The following PLXDC2 variants were observed in gnomAD, a reference collection of about 807,000 sequenced individuals.
The protein encoded by PLXDC2 is plexin domain-containing protein 2.
PLXDC2 carries 40 observed loss-of-function variants against 68.9 expected under a neutral mutation model. The observed-to-expected ratio is 0.58, with a 90% CI of 0.45 to 0.76. The LOEUF (loss-of-function observed/expected upper bound fraction) is 0.76, where lower values mean the gene tolerates loss of function less well. Ranked by LOEUF, PLXDC2 falls within the 30% of genes least tolerant of loss-of-function variation. The probability of loss-of-function intolerance (pLI) is 0.00; values close to 1 mark genes in which losing one functional copy is unlikely to be tolerated. For synonymous variants in PLXDC2, 243 were observed against 234.2 expected (o/e 1.04, Z -0.34); for missense variants, 644 against 661.9 (o/e 0.97, Z 0.30).
In PLXDC2 at chr10:19,853,661, G is replaced by T. The variant is rs1044164278; in HGVS notation, c.112+36470G>T. 2.2e-4 allele frequency among the ~76,000 whole-genome samples: 29 copies of T among 133,842 alleles called. No individual in the cohort carries two copies. The East Asian group carries it at 2.6e-3, about 12-fold the overall frequency. 87.8% of individuals were successfully genotyped at this position (133,842 alleles called of 152,430 possible). A position where few individuals can be genotyped will look rare whatever the true frequency, so the allele number is the denominator to read the frequency against. On this transcript the variant is annotated intron_variant, in intron 1 of 13. Transcript: ENST00000377252. Reference sequence around the variant, plus strand: ...CCAATGCTGCTTTGGGTGGGGGGGGGGTTGCAATTTCTCGAAAACTAGAGT... The same window carrying T: ...CCAATGCTGCTTTGGGTGGGGGGGGTGTTGCAATTTCTCGAAAACTAGAGT...
chr10:20,182,414 C>T (rs988633030), intron 9 of PLXDC2, among the ~76,000 whole-genome samples: 1 of 151,946 alleles, frequency 6.6e-6, no homozygotes, highest in African/African-American at 2.4e-5. Flanking sequence ...TTAATCCATA[C>T]TATACTAGTT....
At chr10:20,237,098 A>C (rs767841050) in intron 12 of PLXDC2, among the ~76,000 whole-genome samples, 2 of 152,038 alleles carry the variant, frequency 1.3e-5, no homozygotes, top group Non-Finnish European at 2.9e-5. Flanking sequence ...CGATAGTAGG[A>C]CAGACTGTAA....
In PLXDC2 at chr10:20,265,239, C is replaced by G. The variant is rs550404513; in HGVS notation, c.1474-14464C>G. On this transcript the variant is annotated intron_variant, in intron 13 of 13. Coordinates refer to ENST00000377252, the MANE Select transcript of PLXDC2 (RefSeq NM_032812.9). Reference sequence around the variant, plus strand: ...TTTCCATGAGTTCTTCCTGAAAACTCTTTCCGAGATGAGCTTCAGATAAAC... The same window carrying G: ...TTTCCATGAGTTCTTCCTGAAAACTGTTTCCGAGATGAGCTTCAGATAAAC... Among the ~76,000 whole-genome samples, 7 of 152,294 alleles carry G rather than the reference C, an allele frequency of 4.6e-5. No homozygotes were observed. In the East Asian group the frequency reaches 5.8e-4, roughly 13 times the overall value.
intron 1 of PLXDC2, among the ~76,000 whole-genome samples, chr10:19,941,019 A>T (rs1209677365): frequency 6.6e-6 from 1 of 152,248 alleles, no homozygotes; most frequent in Non-Finnish European, 1.5e-5. Context: ...AAACTAATAA[A>T]AGCAGAATTC....
At chr10:19,820,453 G>A (rs1351675002) in intron 1 of PLXDC2, among the ~76,000 whole-genome samples, 2 of 151,006 alleles carry the variant, frequency 1.3e-5, no homozygotes, top group African/African-American at 4.9e-5. Context: ...AACAAGGTGA[G>A]ACCCCGTCTC....
intron 4 of PLXDC2, among the ~76,000 whole-genome samples, chr10:20,083,905 A>T (rs184166269): frequency 1.8e-3 from 280 of 152,324 alleles, no homozygotes; most frequent in Admixed American, 4.3e-3. Flanking sequence ...CAGAAAAAAG[A>T]TTTTCATGAT....
intron 9 of PLXDC2, among the ~76,000 whole-genome samples, chr10:20,185,402 G>T (rs1367027985): frequency 6.6e-6 from 1 of 151,830 alleles, no homozygotes; most frequent in Non-Finnish European, 1.5e-5. Flanking sequence ...ACAGAGCCTA[G>T]CCTTCCAACA....
At chr10:19,859,510 T>G (rs148019868) in intron 1 of PLXDC2, among the ~76,000 whole-genome samples, 4 of 152,320 alleles carry the variant, frequency 2.6e-5, no homozygotes, top group Admixed American at 1.3e-4. Context: ...ATATGTAATA[T>G]GCAAATAATA....
chr10:19,973,320 A>ATG (rs937541821), intron 1 of PLXDC2, among the ~76,000 whole-genome samples: 1 of 142,944 alleles, frequency 7.0e-6, no homozygotes, highest in African/African-American at 2.5e-5. Context: ...TCACATATAT[A>ATG]TGTATACATA....
intron 1 of PLXDC2, among the ~76,000 whole-genome samples, chr10:19,926,938 T>C (rs959665525): frequency 6.6e-6 from 1 of 152,206 alleles, no homozygotes; most frequent in Admixed American, 6.5e-5. Context: ...ATGTGAATCA[T>C]GATTGTTGTC....
chr10:20,067,376 AT>A (rs1836229311), intron 3 of PLXDC2, among the ~76,000 whole-genome samples: 1 of 152,106 alleles, frequency 6.6e-6, no homozygotes, highest in East Asian at 1.9e-4. Context: ...AGCTGATTGT[AT>A]TTGAAACATG....
chr10:19,882,330 A>G (rs932206990), intron 1 of PLXDC2, among the ~76,000 whole-genome samples: 1 of 152,248 alleles, frequency 6.6e-6, no homozygotes, highest in Non-Finnish European at 1.5e-5. Flanking sequence ...GAGTATGCCA[A>G]TAAAGACAAA....
intron 4 of PLXDC2, among the ~76,000 whole-genome samples, chr10:20,140,496 C>T (rs1833990838): frequency 6.6e-6 from 1 of 151,184 alleles, no homozygotes; most frequent in Non-Finnish European, 1.5e-5. Context: ...AAGTAAATGT[C>T]TAATGGGGTG....
intron 4 of PLXDC2, among the ~76,000 whole-genome samples, chr10:20,134,469 A>G (rs1415939962): frequency 6.6e-6 from 1 of 152,168 alleles, no homozygotes; most frequent in Non-Finnish European, 1.5e-5. Flanking sequence ...CAGGCTGGCT[A>G]GATAAGCATT....
intron 3 of PLXDC2, among the ~76,000 whole-genome samples, chr10:20,067,092 A>T (rs897131150): frequency 3.3e-5 from 5 of 152,310 alleles, no homozygotes; most frequent in African/African-American, 1.2e-4. Context: ...TTTCAAACAT[A>T]TAAAAAAGAT....
chr10:20,177,439 A>C, intron 9 of PLXDC2, 30 bp downstream of exon 9: 1 of 1,102,744 alleles, frequency 9.1e-7, no homozygotes, highest in Non-Finnish European at 1.2e-6. Flanking sequence ...AATAATAATA[A>C]AATTTAAAAA....
rs879445854 is a variant in PLXDC2, at chr10:20,162,123, GGAAGGAAA to G, written c.784-2341_784-2334del. On this transcript the variant is annotated intron_variant, in intron 6 of 13. Coordinates refer to ENST00000377252, the MANE Select transcript of PLXDC2 (RefSeq NM_032812.9). ...AGGAAGGAAGGAAGGAAGGAAGGAA[GGAAGGAAA>G]GAAAGAAGGAAAGAAAAAGGAAGGA... is the stretch of plus-strand genomic sequence containing the variant. Among the ~76,000 whole-genome samples the G allele has an allele frequency of 3.7e-3, 484 of 130,390 alleles. 4 individuals carry two copies. Among genetic ancestry groups the G allele is most frequent in the African/African-American group, 0.01 (364 of 35,018 alleles). The allele number at this position is 130,390 out of a possible 152,430, so 85.5% of individuals were successfully genotyped here.
chr10:20,167,050 C>G (rs906445702), intron 7 of PLXDC2, among the ~76,000 whole-genome samples: 1 of 152,094 alleles, frequency 6.6e-6, no homozygotes, highest in Non-Finnish European at 1.5e-5. Context: ...GAAAAGCAGT[C>G]ACATTTTCTG....
At chr10:19,834,331 G>C (rs1479797069) in intron 1 of PLXDC2, among the ~76,000 whole-genome samples, 2 of 74,990 alleles carry the variant, frequency 2.7e-5, no homozygotes, top group Admixed American at 1.7e-4. Flanking sequence ...GAGAGAGGTA[G>C]AGAGAGAGAG....
Sources: allele counts gnomAD v4.1 joint callset (sites outside exome capture counted in the v4.1 genomes callset), GRCh38; gene constraint gnomAD v4.1.1; transcripts MANE v1.5; gene names NCBI Gene and HGNC (gene_info 2026-07-23, HGNC 2026-07-21).